Variants in PABIR2 observed in about 807,000 individuals in gnomAD.
PABIR2 encodes the protein PABIR family member 2.
Under a neutral mutation model 22.8 loss-of-function variants are expected in PABIR2, and 7 were observed. The ratio of observed to expected loss-of-function variants is 0.31; its 90% CI spans 0.17 to 0.58. The LOEUF is 0.58. PABIR2 is among the 20% of genes least tolerant of loss of function. The pLI is 0.89. For missense variants in PABIR2, 155 were observed against 205.1 expected (o/e 0.76, Z 1.49); for synonymous variants, 67 against 73.8 (o/e 0.91, Z 0.47).
chrX:134,782,013 T>A, intron 8 of PABIR2, 96 bp from the exon 9 acceptor site: 1 of 527,212 alleles, frequency 1.9e-6, no homozygotes, highest in Non-Finnish European at 3.0e-6. Flanking sequence ...AAGCTCAGAA[T>A]ACTTCTTCAA....
chrX:134,785,003 GAT>G (rs2079270493), intron 8 of PABIR2, among the ~76,000 whole-genome samples: 1 of 111,636 alleles, frequency 9.0e-6, no homozygotes, highest in Non-Finnish European at 1.9e-5. Context: ...CACATTTATG[GAT>G]ATGTTTGCTA....
chrX:134,782,072 T>C (rs1178401666), intron 8 of PABIR2, among the ~76,000 whole-genome samples, 155 bp from the exon 9 acceptor site: 1 of 112,573 alleles, frequency 8.9e-6, no homozygotes, highest in East Asian at 2.8e-4. Context: ...GGAAGAAATA[T>C]GCTTCCACAT....
intron 3 of PABIR2, 67 bp from the exon 4 acceptor site, chrX:134,789,333 T>G (rs1242736483): frequency 2.3e-5 from 27 of 1,157,656 alleles, no homozygotes; most frequent in Non-Finnish European, 3.1e-5. Flanking sequence ...TTCCACACAC[T>G]GCAATTTTTA....
intron 8 of PABIR2, among the ~76,000 whole-genome samples, chrX:134,785,437 TCA>T (rs2079283479): frequency 1.8e-5 from 2 of 110,545 alleles, no homozygotes; most frequent in Admixed American, 1.9e-4. Context: ...GAAATGATGA[TCA>T]CAGTCAATTT....
chrX:134,792,478 G>C (rs2079574490), intron 2 of PABIR2, among the ~76,000 whole-genome samples: 1 of 112,156 alleles, frequency 8.9e-6, no homozygotes, highest in Non-Finnish European at 1.9e-5. Context: ...ATATTTTCCA[G>C]TGTCCTCAGA....
chrX:134,784,408 G>A (rs1340338634), intron 8 of PABIR2, among the ~76,000 whole-genome samples: 1 of 110,335 alleles, frequency 9.1e-6, no homozygotes, highest in Admixed American at 9.8e-5. Flanking sequence ...AGGTTGCAGT[G>A]AGCCAAGATC....
chrX:134,783,292 A>T (rs1323074947), intron 8 of PABIR2, among the ~76,000 whole-genome samples: 1 of 112,372 alleles, frequency 8.9e-6, no homozygotes, highest in African/African-American at 3.2e-5. Context: ...GAAATACAGC[A>T]CTTTTGGAAT....
At position 134,796,812 on chromosome X, in the gene PABIR2, T is replaced by C. The variant is rs983345575; in HGVS notation, c.-607A>G. 1 of 112,306 alleles carries C rather than the reference T, an allele frequency of 8.9e-6. No homozygotes were observed. The highest frequency in any genetic ancestry group is 1.9e-5 in the Non-Finnish European group (1 of 53,344). The allele number at this position is 112,306 out of a possible 1,213,427, so 9.3% of individuals were successfully genotyped here. A position where few individuals can be genotyped will look rare whatever the true frequency, so the allele number is the denominator to read the frequency against. ...CTGAGGACCACAAGCGGGGCCGGGC[T>C]ACAGATGCTGCGGCTGCCCGGGCAG... is the stretch of plus-strand genomic sequence containing the variant. On this transcript the variant is annotated 5_prime_UTR_variant, in exon 1 of 10. The change abolishes the stop of an existing upstream ORF in the 5' untranslated region. Transcript: ENST00000343004.
rs1488901964 is a variant in PABIR2, at chrX:134,770,687, TAAAAG to T, written c.*1447_*1451del. The T allele has an allele frequency of 8.8e-6, 1 of 113,049 alleles. No homozygotes were observed. The highest frequency in any genetic ancestry group is 3.2e-5 in the African/African-American group (1 of 31,042). 9.3% of individuals were successfully genotyped at this position (113,049 alleles called of 1,213,427 possible). A position where few individuals can be genotyped will look rare whatever the true frequency, so the allele number is the denominator to read the frequency against. ...CAACCCAACCACAGTATCTGAACGT[TAAAAG>T]AAATCTATCACGACAGACATTTTAC... On this transcript the variant is annotated 3_prime_UTR_variant, in exon 10 of 10. Coordinates refer to ENST00000343004, the MANE Select transcript of PABIR2 (RefSeq NM_001387468.1).
chrX:134,789,435 A>G (rs1376267730), intron 3 of PABIR2, 145 bp downstream of exon 3: 3 of 821,913 alleles, frequency 3.7e-6, no homozygotes, highest in Non-Finnish European at 5.3e-6. Context: ...TGCCGCTTGT[A>G]TATTTTATCT....
At chrX:134,776,191 TATTC>T (rs770717861) in intron 9 of PABIR2, among the ~76,000 whole-genome samples, 2 of 98,841 alleles carry the variant, frequency 2.0e-5, no homozygotes, top group Non-Finnish European at 3.8e-5. Context: ...ACTTGTCACA[TATTC>T]ATGATGAAAT....
intron 1 of PABIR2, among the ~76,000 whole-genome samples, chrX:134,795,740 TAGC>T (rs2079758079): frequency 8.9e-6 from 1 of 112,195 alleles, no homozygotes; most frequent in Admixed American, 9.4e-5. Context: ...AGCTTAGAAA[TAGC>T]AGCTCTGAGA....
Position 134,774,290 on chromosome X carries a change from G to A in PABIR2, c.660-2007C>T, listed in dbSNP as rs192351577. Among the ~76,000 whole-genome samples the A allele has an allele frequency of 5.6e-3, 622 of 111,949 alleles. 3 individuals are homozygous for A. Among genetic ancestry groups the A allele is most frequent in the Non-Finnish European group, 8.8e-3 (467 of 53,189 alleles). On this transcript the variant is annotated intron_variant, in intron 9 of 9. Coordinates refer to ENST00000343004, the MANE Select transcript of PABIR2 (RefSeq NM_001387468.1). ...TTCTATTTGCCTTTGGAACATATGT[G>A]ATTTTTCCTCCTGCAGCTTTTTGCC... is the stretch of plus-strand genomic sequence containing the variant.
At chrX:134,774,890 T>C (rs1175797406) in intron 9 of PABIR2, among the ~76,000 whole-genome samples, 1 of 112,055 alleles carries the variant, frequency 8.9e-6, no homozygotes, top group Non-Finnish European at 1.9e-5. Context: ...AAATCACTCA[T>C]TGTTATTCTA....
chrX:134,794,168 T>A, intron 1 of PABIR2: 1 of 265,572 alleles, frequency 3.8e-6, no homozygotes, highest in Non-Finnish European at 5.2e-6. Context: ...TGGTTGACTC[T>A]AGCTGCTTCT....
intron 7 of PABIR2, 138 bp from the exon 8 acceptor site, chrX:134,786,088 T>A: frequency 1.8e-6 from 1 of 548,558 alleles, no homozygotes; most frequent in Non-Finnish European, 3.0e-6. Flanking sequence ...TGTAATTGAG[T>A]AACTGAAATC....
Position 134,785,446 on chromosome X carries a change from A to T in PABIR2, c.562+440T>A, listed in dbSNP as rs139733226. 2.1e-4 allele frequency among the ~76,000 whole-genome samples: 22 copies of T among 104,303 alleles called. No individual in the cohort carries two copies. In the South Asian group the frequency reaches 7.5e-3, roughly 35 times the overall value. The allele number at this position is 104,303 out of a possible 115,157, so 90.6% of individuals were successfully genotyped here. ...TACTGTGAAATGATGATCACAGTCAATTTTTTTTTTTTTGAGATGGAGTGT... is the reference window on the plus strand; with the variant it reads ...TACTGTGAAATGATGATCACAGTCATTTTTTTTTTTTTTGAGATGGAGTGT... On this transcript the variant is annotated intron_variant, in intron 8 of 9. Coordinates refer to ENST00000343004, the MANE Select transcript of PABIR2 (RefSeq NM_001387468.1).
chrX:134,790,009 T>G (rs1486121697), intron 2 of PABIR2, among the ~76,000 whole-genome samples: 1 of 112,243 alleles, frequency 8.9e-6, no homozygotes, highest in Admixed American at 9.5e-5. Context: ...TTATTAATTT[T>G]TATTATCAAT....
intron 2 of PABIR2, among the ~76,000 whole-genome samples, chrX:134,790,945 C>T (rs1371312598): frequency 8.9e-6 from 1 of 111,775 alleles, no homozygotes; most frequent in Admixed American, 9.5e-5. Context: ...GGAAGACTCT[C>T]CAACAGGAGA....
Sources: gnomAD v4.1 joint callset for allele counts (sites outside exome capture counted in the v4.1 genomes callset) on GRCh38, gnomAD v4.1.1 for gene constraint, MANE v1.5 for transcripts, NCBI Gene and HGNC (gene_info 2026-07-23, HGNC 2026-07-21) for gene names.